GFOD2: variants seen among roughly 807,000 people sequenced by gnomAD.
The protein encoded by GFOD2 is Gfo/Idh/MocA-like oxidoreductase domain containing 2.
GFOD2 carries 9 observed loss-of-function variants against 24.6 expected under a neutral mutation model. The ratio of observed to expected loss-of-function variants is 0.37; its 90% CI spans 0.22 to 0.64. The LOEUF (loss-of-function observed/expected upper bound fraction) is 0.64. Ranked by LOEUF, GFOD2 falls within the 30% of genes least tolerant of loss-of-function variation. The probability of loss-of-function intolerance (pLI) is 0.65; values close to 1 mark genes in which losing one functional copy is unlikely to be tolerated. For synonymous variants in GFOD2, 211 were observed against 224.8 expected (o/e 0.94, Z 0.55); for missense variants, 476 against 532.5 (o/e 0.89, Z 1.04).
At chr16:67,704,775 T>C (rs2053428260) in intron 1 of GFOD2, among the ~76,000 whole-genome samples, 1 of 152,344 alleles carries the variant, frequency 6.6e-6, no homozygotes, top group African/African-American at 2.4e-5. Context: ...CCTTTATAAA[T>C]CCACACACCT....
chr16:67,690,447 AG>A (rs924626886), intron 1 of GFOD2, among the ~76,000 whole-genome samples: 1 of 147,026 alleles, frequency 6.8e-6, no homozygotes, highest in Non-Finnish European at 1.5e-5. Flanking sequence ...CCCAGGCTGG[AG>A]TGGAGTGGCA....
chr16:67,693,659 C>T (rs1463056440), intron 1 of GFOD2, among the ~76,000 whole-genome samples: 1 of 152,180 alleles, frequency 6.6e-6, no homozygotes, highest in Non-Finnish European at 1.5e-5. Flanking sequence ...TGCACTAATA[C>T]ATTCGTATTG....
intron 1 of GFOD2, among the ~76,000 whole-genome samples, chr16:67,687,221 A>C (rs1271377396): frequency 6.6e-6 from 1 of 152,112 alleles, no homozygotes; most frequent in Non-Finnish European, 1.5e-5. Flanking sequence ...TGAAAGAACT[A>C]ATTGCTATAC....
chr16:67,695,911 C>A (rs2053354995), intron 1 of GFOD2, among the ~76,000 whole-genome samples: 1 of 152,160 alleles, frequency 6.6e-6, no homozygotes, highest in Non-Finnish European at 1.5e-5. Flanking sequence ...TCTCTAAATT[C>A]ATGCCCAGGG....
intron 1 of GFOD2, among the ~76,000 whole-genome samples, chr16:67,717,464 A>T (rs1597807713): frequency 6.6e-6 from 1 of 152,334 alleles, no homozygotes; most frequent in Middle Eastern, 3.4e-3. Flanking sequence ...GTATTACTAT[A>T]GAAATCAGAT....
At chr16:67,689,169 G>A (rs2053292887) in intron 1 of GFOD2, among the ~76,000 whole-genome samples, 1 of 151,394 alleles carries the variant, frequency 6.6e-6, no homozygotes, top group African/African-American at 2.4e-5. Flanking sequence ...CCACATGATA[G>A]CTGGGATTAC....
chr16:67,715,081 G>C (rs1034773705), intron 1 of GFOD2, among the ~76,000 whole-genome samples: 17 of 150,036 alleles, frequency 1.1e-4, no homozygotes, highest in African/African-American at 4.2e-4. Flanking sequence ...TTTTTGAGAC[G>C]TACTTTCGCT....
At position 67,675,539 on chromosome 16, in the gene GFOD2, T is replaced by G; in HGVS notation, c.774A>C (p.Gly258=). ...VHEVMVVGSA[G]RLVARGADLY... is the part of the protein sequence containing the mutation. ...GGTCGGCTCCCCGGGCGACGAGGCGTCCTGCAGAGCCTACCACCATGACTT... is the reference window on the plus strand; with the variant it reads ...GGTCGGCTCCCCGGGCGACGAGGCGGCCTGCAGAGCCTACCACCATGACTT... Residue 258 remains glycine, a synonymous_variant, in exon 3 of 3, where the codon GGA becomes GGC. Coordinates refer to ENST00000268797, the MANE Select transcript of GFOD2 (RefSeq NM_030819.4). The G allele has an allele frequency of 6.2e-7, 1 of 1,613,216 alleles. No homozygotes were observed. The highest frequency in any genetic ancestry group is 8.5e-7 in the Non-Finnish European group (1 of 1,180,022).
At chr16:67,706,573 C>T (rs936186273) in intron 1 of GFOD2, among the ~76,000 whole-genome samples, 2 of 152,034 alleles carry the variant, frequency 1.3e-5, no homozygotes, top group Admixed American at 6.6e-5. Flanking sequence ...GATCAAAGAC[C>T]TAAATGTAGA....
intron 2 of GFOD2, chr16:67,682,270 T>C: frequency 1.2e-6 from 1 of 811,010 alleles, no homozygotes; most frequent in Non-Finnish European, 1.5e-6. Flanking sequence ...ACTCCTGACC[T>C]TGTGATCCGC....
intron 1 of GFOD2, among the ~76,000 whole-genome samples, chr16:67,693,267 C>A (rs1271819771): frequency 1.3e-5 from 2 of 151,274 alleles, no homozygotes; most frequent in African/African-American, 2.4e-5. Context: ...AAATTAGCCA[C>A]CACACCTGGC....
At chr16:67,684,953 TG>T in intron 2 of GFOD2, 4 of 1,002,470 alleles carry the variant, frequency 4.0e-6, no homozygotes, top group Non-Finnish European at 3.6e-6. Context: ...AGCCCAATGC[TG>T]GCAGAGCCTT....
chr16:67,685,504 A>C lies in GFOD2; in HGVS notation c.212T>G (p.Ile71Ser). The C allele has an allele frequency of 1.2e-6, 2 of 1,614,072 alleles. No homozygotes were observed. Among genetic ancestry groups the C allele is most frequent in the Non-Finnish European group, 1.7e-6 (2 of 1,180,006 alleles). ...LLHQDVDLVC[I>S]SIPPPLTRQI... ...CCGGGTGAGTGGAGGGGGGATGCTG[A>C]TGCACACCAGATCCACATCTTGATG... The change falls in exon 2 of 3, where the codon ATC becomes AGC. Residue 71 changes from isoleucine to serine, a missense_variant. Coordinates refer to ENST00000268797, the MANE Select transcript of GFOD2 (RefSeq NM_030819.4).
At chr16:67,704,393 C>T (rs1282793872) in intron 1 of GFOD2, among the ~76,000 whole-genome samples, 2 of 152,126 alleles carry the variant, frequency 1.3e-5, no homozygotes, top group Non-Finnish European at 2.9e-5. Flanking sequence ...ATTATAACTT[C>T]CAGAGGCAGG....
chr16:67,674,950 C>A lies in GFOD2; in HGVS notation c.*205G>T. On this transcript the variant is annotated 3_prime_UTR_variant, in exon 3 of 3. Coordinates refer to ENST00000268797, the MANE Select transcript of GFOD2 (RefSeq NM_030819.4). Reference sequence around the variant, plus strand: ...CTCTGCCCTGTGCACACCGTGGTAACCTGGCAACAGGAACATTTGCCACCC... The same window carrying A: ...CTCTGCCCTGTGCACACCGTGGTAAACTGGCAACAGGAACATTTGCCACCC... 1.6e-6 allele frequency: 1 copy of A among 611,202 alleles called. No individual in the cohort carries two copies. Among genetic ancestry groups the A allele is most frequent in the East Asian group, 2.8e-5 (1 of 35,614 alleles). The allele number at this position is 611,202 out of a possible 1,614,324, so 37.9% of individuals were successfully genotyped here.
intron 1 of GFOD2, among the ~76,000 whole-genome samples, chr16:67,703,807 G>C (rs1186393555): frequency 6.6e-6 from 1 of 152,184 alleles, no homozygotes; most frequent in African/African-American, 2.4e-5. Context: ...GCAGTGTACA[G>C]GCAGGAAAGA....
At chr16:67,682,358 T>C (rs2053233203) in intron 2 of GFOD2, 1 of 985,382 alleles carries the variant, frequency 1.0e-6, no homozygotes. Context: ...GTTTTTCTAA[T>C]GAACCACAGA....
chr16:67,706,358 T>G (rs560326145), intron 1 of GFOD2, among the ~76,000 whole-genome samples: 3 of 152,328 alleles, frequency 2.0e-5, no homozygotes, highest in Admixed American at 2.0e-4. Flanking sequence ...GAGATTTCTA[T>G]AGACAAAGTT....
At chr16:67,694,985 C>G (rs1248578148) in intron 1 of GFOD2, among the ~76,000 whole-genome samples, 2 of 145,808 alleles carry the variant, frequency 1.4e-5, no homozygotes, top group Non-Finnish European at 3.0e-5. Flanking sequence ...CTCCATCTCT[C>G]TCTTTTTTTT....
Sources: gnomAD v4.1 joint callset for allele counts (sites outside exome capture counted in the v4.1 genomes callset) on GRCh38, gnomAD v4.1.1 for gene constraint, MANE v1.5 for transcripts, NCBI Gene and HGNC (gene_info 2026-07-23, HGNC 2026-07-21) for gene names.